PVT1: variants seen among roughly 807,000 people sequenced by gnomAD.
PVT1 encodes the protein CXCR4/PVT1 fusion.
intron 4 of PVT1, among the ~76,000 whole-genome samples, chr8:128,031,198 G>A (rs1238236433): frequency 2.6e-5 from 4 of 152,228 alleles, no homozygotes; most frequent in East Asian, 3.8e-4. Flanking sequence ...TGAATCTCCC[G>A]GGCTGCGTGG....
At chr8:127,967,707 C>T (rs1023773444) in intron 3 of PVT1, among the ~76,000 whole-genome samples, 3 of 152,200 alleles carry the variant, frequency 2.0e-5, no homozygotes, top group South Asian at 2.1e-4. Context: ...GCCACAAAGA[C>T]GGAAAGGAAA....
rs532565837 is a variant in PVT1, at chr8:127,939,311, G to A, written n.782+48313G>A. 7.2e-5 allele frequency among the ~76,000 whole-genome samples: 11 copies of A among 152,300 alleles called. No individual in the cohort carries two copies. In the South Asian group the frequency reaches 2.3e-3, roughly 32 times the overall value. Reference sequence around the variant, plus strand: ...TTAAGGCACACAGGCTTCATGGATGGGGGCCTACGACCGCAGATGGAGCAG... The same window carrying A: ...TTAAGGCACACAGGCTTCATGGATGAGGGCCTACGACCGCAGATGGAGCAG... On this transcript the variant is annotated intron_variant and non_coding_transcript_variant, in intron 3 of 10. Coordinates refer to ENST00000651587, the Ensembl canonical transcript of PVT1.
At chr8:127,962,038 G>C (rs1444257824) in intron 3 of PVT1, among the ~76,000 whole-genome samples, 1 of 152,214 alleles carries the variant, frequency 6.6e-6, no homozygotes, top group East Asian at 1.9e-4. Context: ...GCAGTGGCGC[G>C]ATCTCGCCTC....
intron 4 of PVT1, chr8:128,008,827 G>A (rs1817278719): frequency 2.2e-6 from 1 of 450,696 alleles, no homozygotes; most frequent in African/African-American, 2.0e-5. Flanking sequence ...TGCAGGTTGG[G>A]GCCTGAAAAA....
At position 128,002,935 on chromosome 8, in the gene PVT1, C is replaced by T. The variant is rs1817197523; in HGVS notation, n.912+13644C>T. ...TTCTTTTTCCTTCCTCCCTCCCTGTCTCCCTCCCTCTCTGCCTCCCTCCCT... is the reference window on the plus strand; with the variant it reads ...TTCTTTTTCCTTCCTCCCTCCCTGTTTCCCTCCCTCTCTGCCTCCCTCCCT... On this transcript the variant is annotated intron_variant and non_coding_transcript_variant, in intron 4 of 10. Transcript: ENST00000651587. Among the ~76,000 whole-genome samples, 5 of 140,164 alleles carry T rather than the reference C, an allele frequency of 3.6e-5. No homozygotes were observed. The South Asian group carries it at 1.3e-3, about 37-fold the overall frequency. 92.0% of individuals were successfully genotyped at this position (140,164 alleles called of 152,430 possible).
chr8:127,875,522 C>T (rs1815396052), intron 2 of PVT1, among the ~76,000 whole-genome samples: 1 of 152,224 alleles, frequency 6.6e-6, no homozygotes. Flanking sequence ...AGGGATGTGG[C>T]CAAGTGTGCA....
chr8:127,925,497 G>A (rs1010116690), intron 3 of PVT1, among the ~76,000 whole-genome samples: 2 of 152,176 alleles, frequency 1.3e-5, no homozygotes, highest in South Asian at 2.1e-4. Flanking sequence ...CAGTGGACAC[G>A]CCATTCAGCT....
chr8:127,894,076 G>A (rs1038336791), intron 3 of PVT1, among the ~76,000 whole-genome samples: 1 of 152,200 alleles, frequency 6.6e-6, no homozygotes, highest in African/African-American at 2.4e-5. Context: ...CCTGACTGCC[G>A]CTACAGCAGT....
chr8:127,998,444 G>A (rs1253244701), intron 4 of PVT1: 1 of 151,564 alleles, frequency 6.6e-6, no homozygotes, highest in African/African-American at 2.4e-5. Context: ...TTCTTCCTTG[G>A]CTATTGGGAA....
intron 3 of PVT1, among the ~76,000 whole-genome samples, chr8:127,931,882 A>G (rs1289958117): frequency 6.6e-6 from 1 of 152,266 alleles, no homozygotes; most frequent in Non-Finnish European, 1.5e-5. Flanking sequence ...AGGGGTGCCT[A>G]TTATGTAAGG....
intron 3 of PVT1, among the ~76,000 whole-genome samples, chr8:127,908,555 T>C (rs903874758): frequency 2.6e-5 from 4 of 152,148 alleles, no homozygotes; most frequent in Non-Finnish European, 4.4e-5. Context: ...TTGACCAGGC[T>C]GGTCTCAAAC....
intron 5 of PVT1, among the ~76,000 whole-genome samples, chr8:128,074,225 G>A (rs558002306): frequency 1.3e-5 from 2 of 152,106 alleles, no homozygotes; most frequent in African/African-American, 4.8e-5. Flanking sequence ...AGCATATCCC[G>A]ACCGGGCACA....
intron 2 of PVT1, among the ~76,000 whole-genome samples, chr8:127,843,809 G>A (rs1323111872): frequency 6.6e-6 from 1 of 151,892 alleles, no homozygotes; most frequent in Non-Finnish European, 1.5e-5. Flanking sequence ...TAGATGTGAT[G>A]TGTTCACAGG....
chr8:128,088,104 A>G (rs1814282234), intron 5 of PVT1, among the ~76,000 whole-genome samples: 1 of 152,014 alleles, frequency 6.6e-6, no homozygotes, highest in Non-Finnish European at 1.5e-5. Context: ...AAATTCCCCA[A>G]ACAAAACAAG....
intron 2 of PVT1, among the ~76,000 whole-genome samples, chr8:127,863,110 ATTTATTTATTT>A (rs1815246751): frequency 7.4e-6 from 1 of 134,786 alleles, no homozygotes; most frequent in African/African-American, 3.0e-5. Flanking sequence ...TTATTTATTT[ATTTATTTATTT>A]ATTTTTCCGA....
chr8:127,942,226 A>G (rs541306772), intron 3 of PVT1, among the ~76,000 whole-genome samples: 1 of 152,322 alleles, frequency 6.6e-6, no homozygotes, highest in Non-Finnish European at 1.5e-5. Context: ...GGGATAATGA[A>G]GAATTTCCAC....
intron 3 of PVT1, among the ~76,000 whole-genome samples, chr8:127,914,000 G>T (rs1172692766): frequency 6.6e-6 from 1 of 152,046 alleles, no homozygotes; most frequent in Non-Finnish European, 1.5e-5. Context: ...ACTGCCAGAT[G>T]AATAGGCTTG....
chr8:127,811,729 A>G (rs1814597203), intron 2 of PVT1, among the ~76,000 whole-genome samples: 2 of 151,560 alleles, frequency 1.3e-5, no homozygotes, highest in Admixed American at 1.3e-4. Flanking sequence ...CCCTCAACAT[A>G]TGTTTTTGTT....
chr8:127,927,183 C>T (rs567276884), intron 3 of PVT1, among the ~76,000 whole-genome samples: 4 of 152,254 alleles, frequency 2.6e-5, no homozygotes, highest in South Asian at 2.1e-4. Context: ...TGGGACTATT[C>T]GTCTCTACTC....
Sources: allele counts gnomAD v4.1 joint callset (sites outside exome capture counted in the v4.1 genomes callset), GRCh38; gene constraint gnomAD v4.1.1; transcripts MANE v1.5; gene names NCBI Gene and HGNC (gene_info 2026-07-23, HGNC 2026-07-21).